TSHZ3: variants seen among roughly 807,000 people sequenced by gnomAD.
TSHZ3 encodes the protein teashirt zinc finger homeobox 3, also known as teashirt homolog 3.
A neutral mutation model predicts 64.5 loss-of-function variants in TSHZ3; 10 were observed. The ratio of observed to expected loss-of-function variants is 0.16; its 90% CI spans 0.10 to 0.26. The LOEUF (loss-of-function observed/expected upper bound fraction) is 0.26. Among genes scored for constraint, TSHZ3 ranks in the 10% least tolerant of loss-of-function variants. The probability of loss-of-function intolerance (pLI) is 1.00; values close to 1 mark genes in which losing one functional copy is unlikely to be tolerated. For synonymous variants in TSHZ3, 608 were observed against 593.1 expected, an observed-to-expected ratio of 1.03 and a Z score of -0.36; for missense variants, 1,242 against 1,421.7, an observed-to-expected ratio of 0.87 and a Z score of 2.03.
At chr19:31,218,030 A>T (rs1289005467) in intron 4 of TSHZ3, among the ~76,000 whole-genome samples, 1 of 152,230 alleles carries the variant, frequency 6.6e-6, no homozygotes, top group African/African-American at 2.4e-5. Context: ...CATTCCGTGA[A>T]AGAGAGAAAT....
In TSHZ3 at chr19:31,277,805, C is replaced by A. The variant is rs760954187; in HGVS notation, c.1988G>T (p.Gly663Val). Residue 663 changes from glycine (G) to valine (V), a missense_variant, in exon 2 of 2, where the codon GGC becomes GTC. By Grantham distance (109) the Gly-to-Val change is moderately radical (BLOSUM62 -3). This residue lies in a region of TSHZ3 where 550 missense variants were observed against 545.1 expected (regional missense o/e 1.01). Coordinates refer to ENST00000240587, the MANE Select transcript of TSHZ3 (RefSeq NM_020856.4). The surrounding 1 kb of genome is among the most constrained non-coding windows in gnomAD (Gnocchi z 4.5). Reference protein sequence around the residue: ...PIKMEASSDGGFRSQENSPSP... With the variant: ...PIKMEASSDGVFRSQENSPSP... The stretch of plus-strand genomic sequence containing the variant: ...GGGGCTGTTCTCCTGGCTGCGGAAG[C>A]CCCCATCGCTGGATGCCTCCATCTT... The A allele has an allele frequency of 4.0e-5, 62 of 1,544,756 alleles. No homozygotes were observed. Among genetic ancestry groups the A allele is most frequent in the Non-Finnish European group, 5.2e-5 (60 of 1,148,726 alleles).
Position 31,192,521 on chromosome 19 carries a change from T to G in TSHZ3, n.809+12435A>C, listed in dbSNP as rs551791907. Among the ~76,000 whole-genome samples the G allele has an allele frequency of 3.3e-5, 5 of 152,370 alleles. No homozygotes were observed. The South Asian group carries it at 8.3e-4, about 25-fold the overall frequency. On this transcript the variant is annotated intron_variant and non_coding_transcript_variant, in intron 5 of 6. Transcript: ENST00000651361. Reference sequence around the variant, plus strand: ...TGCACTTAATAGATGTCTTTGCTAATCCTCTTTCACTATGTTTACTTATAT... The same window carrying G: ...TGCACTTAATAGATGTCTTTGCTAAGCCTCTTTCACTATGTTTACTTATAT...
At chr19:31,343,616 T>C (rs1031866109) in intron 1 of TSHZ3, among the ~76,000 whole-genome samples, 1 of 152,162 alleles carries the variant, frequency 6.6e-6, no homozygotes, top group South Asian at 2.1e-4. Flanking sequence ...TTATGTTCTA[T>C]TACTGTCTTT....
At chr19:31,303,295 C>T (rs191767794) in intron 1 of TSHZ3, among the ~76,000 whole-genome samples, 76 of 152,306 alleles carry the variant, frequency 5.0e-4, no homozygotes, top group South Asian at 1.0e-3. Context: ...TGTAAAGGGA[C>T]CTTTCTCCAC....
At chr19:31,292,652 T>TACCCATCCATCC (rs1976586501) in intron 1 of TSHZ3, among the ~76,000 whole-genome samples, 1 of 151,748 alleles carries the variant, frequency 6.6e-6, no homozygotes, top group Non-Finnish European at 1.5e-5. Flanking sequence ...TCCATCCATC[T>TACCCATCCATCC]ACCCATCCAT....
chr19:31,232,144 G>A (rs931505475), intron 3 of TSHZ3, among the ~76,000 whole-genome samples: 1 of 152,124 alleles, frequency 6.6e-6, no homozygotes, highest in Non-Finnish European at 1.5e-5. Flanking sequence ...GGGAGCGTCT[G>A]TAAGATGCCA....
chr19:31,284,543 G>C (rs1201776528), intron 1 of TSHZ3, among the ~76,000 whole-genome samples: 1 of 152,136 alleles, frequency 6.6e-6, no homozygotes, highest in Non-Finnish European at 1.5e-5. Context: ...GCCCCTCTCA[G>C]CTTCTGAGAT....
At chr19:31,180,668 G>A (rs1322508639) in intron 5 of TSHZ3, among the ~76,000 whole-genome samples, 1 of 152,194 alleles carries the variant, frequency 6.6e-6, no homozygotes. Context: ...CCCAAAAAAT[G>A]TTGCTAAAAC....
chr19:31,274,580 A>G (rs780409861), downstream of TSHZ3, among the ~76,000 whole-genome samples: 6 of 152,118 alleles, frequency 3.9e-5, no homozygotes, highest in Non-Finnish European at 7.4e-5. Flanking sequence ...AACCCCGGGC[A>G]TCCAGAAGAG....
intron 5 of TSHZ3, among the ~76,000 whole-genome samples, chr19:31,165,491 T>C (rs754780208): frequency 2.6e-5 from 4 of 152,266 alleles, no homozygotes; most frequent in Middle Eastern, 6.8e-3. Context: ...AGAGCACAGA[T>C]TGGATGTAAA....
intron 4 of TSHZ3, among the ~76,000 whole-genome samples, chr19:31,206,241 A>G (rs1193805618): frequency 6.6e-6 from 1 of 151,768 alleles, no homozygotes; most frequent in African/African-American, 2.4e-5. Flanking sequence ...GGATTAATGG[A>G]CAAGTGGGTG....
At chr19:31,177,489 C>T (rs991226229) in intron 5 of TSHZ3, among the ~76,000 whole-genome samples, 1 of 152,252 alleles carries the variant, frequency 6.6e-6, no homozygotes, top group African/African-American at 2.4e-5. Context: ...CATCCCTCCA[C>T]TCTCTGTTCC....
intron 5 of TSHZ3, chr19:31,204,691 C>T (rs1423442166): frequency 6.6e-6 from 1 of 152,212 alleles, no homozygotes; most frequent in Non-Finnish European, 1.5e-5. Flanking sequence ...CATTTTTTCC[C>T]AGCTTCTTGG....
At chr19:31,179,974 G>C (rs936669669) in intron 5 of TSHZ3, among the ~76,000 whole-genome samples, 2 of 150,460 alleles carry the variant, frequency 1.3e-5, no homozygotes, top group African/African-American at 4.9e-5. Context: ...TCAGAGATTT[G>C]GGAGATCTAC....
At chr19:31,233,026 C>T (rs903768067) in intron 3 of TSHZ3, among the ~76,000 whole-genome samples, 1 of 152,176 alleles carries the variant, frequency 6.6e-6, no homozygotes, top group Non-Finnish European at 1.5e-5. Context: ...CTGCTAGGAA[C>T]ATTCCTGGAC....
chr19:31,178,136 A>G (rs763911661), intron 5 of TSHZ3, among the ~76,000 whole-genome samples: 1 of 152,218 alleles, frequency 6.6e-6, no homozygotes, highest in African/African-American at 2.4e-5. Flanking sequence ...GTTAGCAAAT[A>G]GTAAGCTTCC....
chr19:31,203,671 C>T (rs1249973857), intron 5 of TSHZ3, among the ~76,000 whole-genome samples: 1 of 152,096 alleles, frequency 6.6e-6, no homozygotes, highest in East Asian at 1.9e-4. Context: ...AGCAGGATCT[C>T]CCCTCAGGTG....
intron 1 of TSHZ3, among the ~76,000 whole-genome samples, chr19:31,297,023 G>A (rs1976673725): frequency 6.6e-6 from 1 of 152,254 alleles, no homozygotes; most frequent in African/African-American, 2.4e-5. Context: ...CTCAGTGGGA[G>A]CGGGAGGTGG....
chr19:31,272,643 G>A (rs534592508), downstream of TSHZ3, among the ~76,000 whole-genome samples: 2 of 152,218 alleles, frequency 1.3e-5, no homozygotes, highest in South Asian at 4.1e-4. Flanking sequence ...CTAAGATGTG[G>A]CATATTGATT....
Sources: allele counts gnomAD v4.1 joint callset (sites outside exome capture counted in the v4.1 genomes callset), GRCh38; gene constraint gnomAD v4.1.1; regional missense constraint gnomAD v4.1.1; non-coding constraint Gnocchi (gnomAD v3.1); transcripts MANE v1.5; gene names NCBI Gene and HGNC (gene_info 2026-07-23, HGNC 2026-07-21).